The following ANKS1B variants were observed in gnomAD, a reference collection of about 807,000 sequenced individuals.
ANKS1B encodes the protein ankyrin repeat and sterile alpha motif domain containing 1B.
In ANKS1B, 36 loss-of-function variants were observed where a neutral mutation model predicts 148.3. The observed-to-expected ratio is 0.24, with a 90% CI of 0.19 to 0.32. The LOEUF is 0.32. Ranked by LOEUF, ANKS1B falls within the 10% of genes least tolerant of loss-of-function variation. The pLI is 1.00. For synonymous variants in ANKS1B, 542 were observed against 560.8 expected, an observed-to-expected ratio of 0.97 and a Z score of 0.47; for missense variants, 1,157 against 1,542.6, an observed-to-expected ratio of 0.75 and a Z score of 4.19.
chr12:99,935,368 A>C (rs1015426177), intron 1 of ANKS1B, among the ~76,000 whole-genome samples: 3 of 151,854 alleles, frequency 2.0e-5, no homozygotes, highest in East Asian at 3.9e-4. Flanking sequence ...AAAAAAAAAA[A>C]AAAACTATAC....
intron 8 of ANKS1B, among the ~76,000 whole-genome samples, chr12:99,729,443 A>G (rs139293280): frequency 6.6e-6 from 1 of 152,142 alleles, no homozygotes; most frequent in Non-Finnish European, 1.5e-5. Context: ...CTTAGAGTGA[A>G]CTTTTCATTT....
rs759625732 is a variant in ANKS1B at position 99,059,788 on chromosome 12, CATATAT to C, written c.2626-6485_2626-6480del. Among the ~76,000 whole-genome samples, 90 of 90,320 alleles carry C rather than the reference CATATAT, an allele frequency of 1.0e-3. 2 individuals carry two copies. Among genetic ancestry groups the C allele is most frequent in the African/African-American group, 3.4e-3 (75 of 22,302 alleles). 59.3% of individuals were successfully genotyped at this position (90,320 alleles called of 152,430 possible). On this transcript the variant is annotated intron_variant, in intron 16 of 26. Coordinates refer to ENST00000683438, the MANE Select transcript of ANKS1B (RefSeq NM_001352186.2). ...TAAGCCCAAAGACAAAACTAAAATT[CATATAT>C]ATATATATATATGATAGGACGTGTA... is the stretch of plus-strand genomic sequence containing the variant.
At chr12:98,764,179 G>C (rs935217725) in intron 25 of ANKS1B, among the ~76,000 whole-genome samples, 1 of 152,140 alleles carries the variant, frequency 6.6e-6, no homozygotes, top group African/African-American at 2.4e-5. Flanking sequence ...CCTCTCCCCT[G>C]CTCCTCAAAA....
chr12:99,390,336 C>T lies in ANKS1B; in HGVS notation c.1756+9295G>A, dbSNP rs12580937. Among the ~76,000 whole-genome samples, 576 of 152,156 alleles carry T rather than the reference C, an allele frequency of 3.8e-3. 35 individuals are homozygous for T. The East Asian group carries it at 0.086, about 23-fold the overall frequency. On this transcript the variant is annotated intron_variant, in intron 12 of 26. Coordinates refer to ENST00000683438, the MANE Select transcript of ANKS1B (RefSeq NM_001352186.2). ...GGCTGGACAGGGTACCTAATGCCCTCACGGAAGAAAAGGTGGGTTAGCAAG... is the reference window on the plus strand; with the variant it reads ...GGCTGGACAGGGTACCTAATGCCCTTACGGAAGAAAAGGTGGGTTAGCAAG...
chr12:99,110,104 C>G (rs1440135284), intron 15 of ANKS1B, among the ~76,000 whole-genome samples: 1 of 152,106 alleles, frequency 6.6e-6, no homozygotes, highest in African/African-American at 2.4e-5. Context: ...CACATCTTTA[C>G]TAGTTATCTA....
intron 14 of ANKS1B, among the ~76,000 whole-genome samples, chr12:99,229,106 A>C (rs1201627501): frequency 6.6e-6 from 1 of 151,934 alleles, no homozygotes; most frequent in East Asian, 1.9e-4. Context: ...TCTTACTCAG[A>C]GATATCCACT....
intron 19 of ANKS1B, among the ~76,000 whole-genome samples, chr12:98,813,912 G>C (rs1408520986): frequency 6.7e-6 from 1 of 149,934 alleles, no homozygotes; most frequent in African/African-American, 2.5e-5. Flanking sequence ...ACAGAGTCTT[G>C]CTCTGTCACC....
At chr12:99,380,719 T>G (rs954846768) in intron 12 of ANKS1B, among the ~76,000 whole-genome samples, 1 of 150,078 alleles carries the variant, frequency 6.7e-6, no homozygotes, top group Non-Finnish European at 1.5e-5. Context: ...GTTTATCAAA[T>G]TTTCAGATTA....
At chr12:99,382,976 T>G (rs1009986622) in intron 12 of ANKS1B, among the ~76,000 whole-genome samples, 1 of 146,494 alleles carries the variant, frequency 6.8e-6, no homozygotes, top group Non-Finnish European at 1.5e-5. Flanking sequence ...CCCACTTCCC[T>G]TCTAGCTTTC....
chr12:99,829,183 A>C (rs987021437), intron 1 of ANKS1B, among the ~76,000 whole-genome samples: 1 of 152,056 alleles, frequency 6.6e-6, no homozygotes, highest in Non-Finnish European at 1.5e-5. Context: ...CATTTTAAAA[A>C]TTATCAGAAC....
intron 8 of ANKS1B, among the ~76,000 whole-genome samples, chr12:99,709,346 CA>C (rs1165111535): frequency 6.6e-6 from 1 of 152,112 alleles, no homozygotes; most frequent in Non-Finnish European, 1.5e-5. Flanking sequence ...AGACTCTGAG[CA>C]GATTTTGAAG....
At chr12:99,385,824 T>G (rs982132986) in intron 12 of ANKS1B, among the ~76,000 whole-genome samples, 2 of 152,228 alleles carry the variant, frequency 1.3e-5, no homozygotes, top group Non-Finnish European at 2.9e-5. Flanking sequence ...AAGTAAGTAC[T>G]TTTTACTTAT....
intron 1 of ANKS1B, among the ~76,000 whole-genome samples, chr12:99,862,854 T>C (rs1485884395): frequency 6.6e-6 from 1 of 152,076 alleles, no homozygotes; most frequent in African/African-American, 2.4e-5. Flanking sequence ...AACAACAATG[T>C]AAAGGAGGGG....
chr12:99,108,995 G>A (rs573421583), intron 15 of ANKS1B, among the ~76,000 whole-genome samples: 1 of 152,284 alleles, frequency 6.6e-6, no homozygotes, highest in South Asian at 2.1e-4. Flanking sequence ...CTGTCATCGA[G>A]CAGCAAATGC....
chr12:99,466,146 A>G (rs537219754), intron 10 of ANKS1B, among the ~76,000 whole-genome samples: 277 of 152,238 alleles, frequency 1.8e-3, no homozygotes, highest in African/African-American at 6.4e-3. Flanking sequence ...ACTCAAAACC[A>G]CTCAACTACA....
intron 10 of ANKS1B, among the ~76,000 whole-genome samples, chr12:99,500,333 C>T (rs757048379): frequency 6.6e-6 from 1 of 152,082 alleles, no homozygotes; most frequent in Non-Finnish European, 1.5e-5. Flanking sequence ...TCTCAGAATC[C>T]AGGCAGTAGT....
chr12:99,540,857 T>C (rs2097118541), intron 9 of ANKS1B, among the ~76,000 whole-genome samples: 1 of 150,992 alleles, frequency 6.6e-6, no homozygotes, highest in African/African-American at 2.4e-5. Flanking sequence ...GTTGGTTCTT[T>C]GAAAAAAAAT....
intron 9 of ANKS1B, among the ~76,000 whole-genome samples, chr12:99,525,490 T>C (rs2096918260): frequency 6.6e-6 from 1 of 152,152 alleles, no homozygotes; most frequent in African/African-American, 2.4e-5. Context: ...AAACTACAAA[T>C]GGTTCTGGTA....
intron 10 of ANKS1B, among the ~76,000 whole-genome samples, chr12:99,472,054 T>C (rs932212322): frequency 6.6e-6 from 1 of 152,166 alleles, no homozygotes; most frequent in African/African-American, 2.4e-5. Flanking sequence ...ATATAACAAA[T>C]TTTAATCCTG....
Sources: gnomAD v4.1 joint callset for allele counts (sites outside exome capture counted in the v4.1 genomes callset) on GRCh38, gnomAD v4.1.1 for gene constraint, MANE v1.5 for transcripts, NCBI Gene and HGNC (gene_info 2026-07-23, HGNC 2026-07-21) for gene names.